Variants in BNC2 observed in about 807,000 individuals in gnomAD.
The protein encoded by BNC2 is basonuclin zinc finger protein 2, also known as zinc finger protein basonuclin-2.
In BNC2, 20 loss-of-function variants were observed where a neutral mutation model predicts 76.3. That is an observed-to-expected ratio of 0.26 (90% confidence interval 0.18 to 0.38). The LOEUF (loss-of-function observed/expected upper bound fraction) is 0.38, where lower values mean the gene tolerates loss of function less well. Among genes scored for constraint, BNC2 ranks in the 10% least tolerant of loss-of-function variants. BNC2 has a pLI of 1.00. For missense variants in BNC2, 1,382 were observed against 1,399.8 expected, an observed-to-expected ratio of 0.99 and a Z score of 0.20; for synonymous variants, 582 against 514.8, an observed-to-expected ratio of 1.13 and a Z score of -1.77.
intron 1 of BNC2, among the ~76,000 whole-genome samples, chr9:16,834,557 G>A (rs901071920): frequency 6.6e-6 from 1 of 152,148 alleles, no homozygotes; most frequent in Admixed American, 6.5e-5. Context: ...GTAGAAAGAA[G>A]AAAACAATGC....
At chr9:16,824,603 C>A (rs1207281398) in intron 1 of BNC2, among the ~76,000 whole-genome samples, 1 of 152,132 alleles carries the variant, frequency 6.6e-6, no homozygotes, top group Admixed American at 6.5e-5. Flanking sequence ...CCCCCAGGCA[C>A]CTCGAACCAA....
rs1167873168 is a variant in BNC2 at position 16,855,687 on chromosome 9, G to A, written c.3+14959C>T. 5.9e-5 allele frequency among the ~76,000 whole-genome samples: 9 copies of A among 151,302 alleles called. No individual in the cohort carries two copies. The East Asian group carries it at 1.4e-3, about 23-fold the overall frequency. On this transcript the variant is annotated intron_variant, in intron 1 of 6. Transcript: ENST00000380672. Reference sequence around the variant, plus strand: ...CACGTAGCTGGGACTACAGGCGCCCGCGACCACGCCCGGCTGATTTCTTGT... The same window carrying A: ...CACGTAGCTGGGACTACAGGCGCCCACGACCACGCCCGGCTGATTTCTTGT...
At chr9:16,839,532 T>C (rs529495071) in intron 1 of BNC2, among the ~76,000 whole-genome samples, 2 of 152,360 alleles carry the variant, frequency 1.3e-5, no homozygotes, top group South Asian at 2.1e-4. Flanking sequence ...AAGGACCTAC[T>C]ATGTTTGACT....
chr9:16,548,375 A>G (rs1307494607), intron 5 of BNC2, among the ~76,000 whole-genome samples: 2 of 151,988 alleles, frequency 1.3e-5, no homozygotes, highest in African/African-American at 4.8e-5. Context: ...TACAGACCTG[A>G]ACTAAGAATT....
chr9:16,498,194 TATATATTCCATCATATATATATTCCATC>T (rs1563811262), intron 5 of BNC2, among the ~76,000 whole-genome samples: 4 of 136,050 alleles, frequency 2.9e-5, no homozygotes, highest in African/African-American at 9.7e-5. Context: ...TTCCATCATA[TATATATTCCATCATATATATATTCCATC>T]ATATATATAT....
At chr9:16,598,745 T>C (rs1820162864) in intron 3 of BNC2, among the ~76,000 whole-genome samples, 1 of 152,150 alleles carries the variant, frequency 6.6e-6, no homozygotes, top group South Asian at 2.1e-4. Context: ...ATACTGTACC[T>C]GAAACCCAAA....
chr9:16,511,098 A>C (rs1822743041), intron 5 of BNC2, among the ~76,000 whole-genome samples: 1 of 147,520 alleles, frequency 6.8e-6, no homozygotes, highest in Non-Finnish European at 1.5e-5. Flanking sequence ...GGAGATCACT[A>C]AACTTACTTT....
chr9:16,638,694 A>G (rs1821399074), intron 3 of BNC2, among the ~76,000 whole-genome samples: 1 of 152,180 alleles, frequency 6.6e-6, no homozygotes, highest in Non-Finnish European at 1.5e-5. Context: ...TTTAAAAGAA[A>G]AAAAAACCTT....
chr9:16,472,154 A>G (rs1259598404), intron 5 of BNC2, among the ~76,000 whole-genome samples: 1 of 152,218 alleles, frequency 6.6e-6, no homozygotes. Flanking sequence ...CTGTAAGGAT[A>G]TATTCCAAAG....
chr9:16,633,334 A>G (rs187095721), intron 3 of BNC2, among the ~76,000 whole-genome samples: 53 of 152,344 alleles, frequency 3.5e-4, no homozygotes, highest in African/African-American at 8.4e-4. Context: ...AATGTTATTA[A>G]TAAGCCTTAA....
At chr9:16,854,139 TC>T (rs1385096742) in intron 1 of BNC2, among the ~76,000 whole-genome samples, 1 of 152,114 alleles carries the variant, frequency 6.6e-6, no homozygotes, top group Non-Finnish European at 1.5e-5. Flanking sequence ...TACTTTCTCT[TC>T]CCATAGCAGA....
intron 6 of BNC2, among the ~76,000 whole-genome samples, chr9:16,428,591 G>A (rs968539927): frequency 3.3e-5 from 5 of 152,116 alleles, no homozygotes; most frequent in Non-Finnish European, 4.4e-5. Flanking sequence ...TTGAGTGGCT[G>A]GTAATAATTC....
chr9:16,742,461 G>A (rs935453281), intron 1 of BNC2, among the ~76,000 whole-genome samples: 1 of 152,182 alleles, frequency 6.6e-6, no homozygotes, highest in South Asian at 2.1e-4. Context: ...GGAGAGCAGG[G>A]AAATGATGGG....
intron 1 of BNC2, among the ~76,000 whole-genome samples, chr9:16,784,744 A>C (rs1479819110): frequency 6.6e-6 from 1 of 152,250 alleles, no homozygotes. Flanking sequence ...ACAAGCCTAT[A>C]GTAGGTCAGT....
At chr9:16,714,365 CTTATA>C (rs1234472057) in intron 3 of BNC2, among the ~76,000 whole-genome samples, 3 of 152,206 alleles carry the variant, frequency 2.0e-5, no homozygotes, top group Non-Finnish European at 2.9e-5. Context: ...CTTCCCTCCC[CTTATA>C]TTAAAGATAC....
chr9:16,666,224 C>T (rs1822285110), intron 3 of BNC2, among the ~76,000 whole-genome samples: 1 of 152,096 alleles, frequency 6.6e-6, no homozygotes, highest in African/African-American at 2.4e-5. Flanking sequence ...TACTTTCCTC[C>T]AGAGCTATAG....
intron 5 of BNC2, among the ~76,000 whole-genome samples, chr9:16,444,807 T>C (rs1395412175): frequency 1.3e-5 from 2 of 152,208 alleles, no homozygotes; most frequent in Non-Finnish European, 2.9e-5. Flanking sequence ...TTTACCTGTT[T>C]TGTAACTGAG....
In BNC2 at chr9:16,778,307, T is replaced by C. The variant is rs77411130; in HGVS notation, c.4-39822A>G. Among the ~76,000 whole-genome samples, 1,224 of 152,314 alleles carry C rather than the reference T, an allele frequency of 8.0e-3. 14 individuals carry two copies. The highest frequency in any genetic ancestry group is 0.028 in the African/African-American group (1,163 of 41,570). ...TGGCAGAGACCCAAAGGAGTGCTGC[T>C]GCCTGGCAGAGGTATTAGAGCAGTG... is the stretch of plus-strand genomic sequence containing the variant. On this transcript the variant is annotated intron_variant, in intron 1 of 6. Transcript: ENST00000380672.
At chr9:16,563,073 T>G (rs1382652886) in intron 4 of BNC2, among the ~76,000 whole-genome samples, 1 of 152,184 alleles carries the variant, frequency 6.6e-6, no homozygotes, top group Non-Finnish European at 1.5e-5. Flanking sequence ...TAATAAAAAT[T>G]AAGTCAAATT....
Sources: gnomAD v4.1 joint callset for allele counts (sites outside exome capture counted in the v4.1 genomes callset) on GRCh38, gnomAD v4.1.1 for gene constraint, MANE v1.5 for transcripts, NCBI Gene and HGNC (gene_info 2026-07-23, HGNC 2026-07-21) for gene names.